Variants in MIPOL1 observed in about 807,000 individuals in gnomAD.
MIPOL1 encodes mirror-image polydactyly gene 1 protein.
In MIPOL1, 57 loss-of-function variants were observed where a neutral mutation model predicts 60.9. The observed-to-expected ratio is 0.94, with a 90% CI of 0.76 to 1.17. The LOEUF (loss-of-function observed/expected upper bound fraction) is 1.17, where lower values mean the gene tolerates loss of function less well. Ranked by LOEUF, MIPOL1 falls within the 50% of genes most tolerant of loss-of-function variation. The pLI, the probability that MIPOL1 is intolerant of heterozygous loss-of-function variation, is 0.00. For missense variants in MIPOL1, 551 were observed against 511.6 expected (o/e 1.08, Z -0.74); for synonymous variants, 179 against 168.8 (o/e 1.06, Z -0.47).
intron 9 of MIPOL1, among the ~76,000 whole-genome samples, chr14:37,366,200 G>C (rs185611627): frequency 4.6e-4 from 70 of 151,142 alleles, no homozygotes; most frequent in Middle Eastern, 6.8e-3. Flanking sequence ...ACTAATTTTG[G>C]GTTTGGTTTG....
intron 1 of MIPOL1, among the ~76,000 whole-genome samples, chr14:37,244,364 G>A (rs554343921): frequency 2.0e-5 from 3 of 151,612 alleles, no homozygotes; most frequent in South Asian, 4.2e-4. Flanking sequence ...CTTGTGATCC[G>A]CCAGCCTTGG....
chr14:37,399,276 G>A (rs2093436667), intron 10 of MIPOL1, among the ~76,000 whole-genome samples: 1 of 152,144 alleles, frequency 6.6e-6, no homozygotes, highest in Non-Finnish European at 1.5e-5. Context: ...CATTTTGGGA[G>A]GAAAAATAAA....
chr14:37,357,959 A>T (rs8017564), intron 9 of MIPOL1, among the ~76,000 whole-genome samples: 147,412 of 152,158 alleles, frequency 0.97, 71,484 homozygotes, highest in East Asian at 1. Context: ...CATTTATGTT[A>T]GGTATTTCTC....
Position 37,313,910 on chromosome 14 carries a change from C to CT in MIPOL1, c.828+5393dup, listed in dbSNP as rs1365724856. ...TCTACTTTTCAGGTATTTTCACATC[C>CT]TTCAACCTTTCCTTGGGTTTCCTTC... On this transcript the variant is annotated intron_variant, in intron 9 of 12. Transcript: ENST00000684589. Among the ~76,000 whole-genome samples, 4 of 152,262 alleles carry CT rather than the reference C, an allele frequency of 2.6e-5. No individual in the cohort carries two copies. The East Asian group carries it at 7.8e-4, about 30-fold the overall frequency.
chr14:37,517,445 T>G (rs1291664868), intron 12 of MIPOL1, among the ~76,000 whole-genome samples: 1 of 152,138 alleles, frequency 6.6e-6, no homozygotes, highest in Non-Finnish European at 1.5e-5. Flanking sequence ...CATACATTAC[T>G]GGTGAGAACG....
At position 37,268,681 on chromosome 14, in the gene MIPOL1, A is replaced by G. The variant is rs1319140910; in HGVS notation, c.275A>G (p.Asp92Gly). ...KYNVMEHRHN[D>G]MHYECMTPCQ... ...AGCGTTATGGAACATAGACATAATG[A>G]TATGCATTATGAATGTATGACTCCT... The change falls in exon 5 of 13, where the codon GAT becomes GGT. Residue 92 changes from aspartate (D) to glycine (G), a missense_variant. Asp to Gly is a moderately conservative substitution (Grantham distance 94, BLOSUM62 -1). Coordinates refer to ENST00000684589, the MANE Select transcript of MIPOL1 (RefSeq NM_001388067.1). 6.3e-7 allele frequency: 1 copy of G among 1,595,032 alleles called. No homozygotes were observed. The highest frequency in any genetic ancestry group is 1.3e-5 in the African/African-American group (1 of 74,076).
intron 11 of MIPOL1, among the ~76,000 whole-genome samples, chr14:37,492,762 T>G (rs574567354): frequency 6.6e-6 from 1 of 152,152 alleles, no homozygotes; most frequent in African/African-American, 2.4e-5. Flanking sequence ...GTTTCAGCAT[T>G]GTTGACATAG....
intron 2 of MIPOL1, 27 bp from the exon 3 acceptor site, chr14:37,247,802 A>G: frequency 2.4e-5 from 32 of 1,346,576 alleles, no homozygotes; most frequent in Non-Finnish European, 3.2e-5. Context: ...TTTTCAGTTT[A>G]TTTATCTAGA....
chr14:37,437,383 TG>T (rs1486318125), intron 11 of MIPOL1, among the ~76,000 whole-genome samples: 1 of 146,262 alleles, frequency 6.8e-6, no homozygotes, highest in East Asian at 2.0e-4. Flanking sequence ...CTATCAAGCT[TG>T]GTTAGTTGTT....
chr14:37,431,624 G>C (rs2094070296), intron 11 of MIPOL1, among the ~76,000 whole-genome samples: 1 of 110,172 alleles, frequency 9.1e-6, no homozygotes, highest in Non-Finnish European at 1.7e-5. Context: ...TGTCGCCCAG[G>C]CTGGAGTGCA....
At chr14:37,256,772 T>C (rs1040928902) in intron 3 of MIPOL1, among the ~76,000 whole-genome samples, 2 of 135,512 alleles carry the variant, frequency 1.5e-5, no homozygotes, top group African/African-American at 5.1e-5. Flanking sequence ...TTCCTCTGCA[T>C]TTTTAATAGG....
At chr14:37,380,783 T>C (rs954425464) in intron 10 of MIPOL1, among the ~76,000 whole-genome samples, 1 of 152,156 alleles carries the variant, frequency 6.6e-6, no homozygotes, top group Non-Finnish European at 1.5e-5. Flanking sequence ...CAAGCTTCCT[T>C]ACAGGAACTG....
Position 37,532,696 on chromosome 14 carries a change from G to T in MIPOL1, c.1263-14209G>T, listed in dbSNP as rs561962800. 1.4e-4 allele frequency among the ~76,000 whole-genome samples: 21 copies of T among 152,202 alleles called. No individual in the cohort carries two copies. In the South Asian group the frequency reaches 2.3e-3, roughly 17 times the overall value. On this transcript the variant is annotated intron_variant, in intron 12 of 12. Transcript: ENST00000684589. ...TTTTCCTTAGATTAGTTTAGGTGTG[G>T]GCAGTATGCAGTAGCTACCTCTTTT... is the stretch of plus-strand genomic sequence containing the variant.
intron 9 of MIPOL1, among the ~76,000 whole-genome samples, chr14:37,350,455 A>T (rs1381835590): frequency 6.7e-6 from 1 of 148,230 alleles, no homozygotes; most frequent in African/African-American, 2.5e-5. Context: ...ATTTTTTTTA[A>T]TTTTTAATTT....
At chr14:37,541,735 A>T (rs963715955) in intron 12 of MIPOL1, among the ~76,000 whole-genome samples, 4 of 152,188 alleles carry the variant, frequency 2.6e-5, no homozygotes, top group Non-Finnish European at 5.9e-5. Flanking sequence ...CCACACCTAC[A>T]GAATTATCCA....
intron 11 of MIPOL1, among the ~76,000 whole-genome samples, chr14:37,481,443 A>ACACCAAAT (rs1463187776): frequency 6.6e-6 from 1 of 152,086 alleles, no homozygotes; most frequent in African/African-American, 2.4e-5. Flanking sequence ...TTAAAATGTC[A>ACACCAAAT]CACCAAATGA....
In MIPOL1 at chr14:37,422,287, C is replaced by T. The variant is rs532662594; in HGVS notation, c.937-568C>T. Among the ~76,000 whole-genome samples the T allele has an allele frequency of 4.6e-5, 7 of 152,024 alleles. No individual in the cohort carries two copies. In the East Asian group the frequency reaches 1.4e-3, roughly 29 times the overall value. On this transcript the variant is annotated intron_variant, in intron 10 of 12. Transcript: ENST00000684589. ...GCATTTACGGTTGCTGCCGTTCTCCCCTTTCGGGATTTGTTTTTCTCCCAC... is the reference window on the plus strand; with the variant it reads ...GCATTTACGGTTGCTGCCGTTCTCCTCTTTCGGGATTTGTTTTTCTCCCAC...
At chr14:37,490,107 C>A (rs1004084513) in intron 11 of MIPOL1, among the ~76,000 whole-genome samples, 4 of 152,162 alleles carry the variant, frequency 2.6e-5, no homozygotes, top group Non-Finnish European at 4.4e-5. Context: ...ATCTATAAGC[C>A]CCTGACTGGT....
At chr14:37,457,598 T>C (rs1481950411) in intron 11 of MIPOL1, among the ~76,000 whole-genome samples, 1 of 152,184 alleles carries the variant, frequency 6.6e-6, no homozygotes, top group East Asian at 1.9e-4. Context: ...AATCCCATAA[T>C]GAACTAAATA....
Sources: allele counts gnomAD v4.1 joint callset (sites outside exome capture counted in the v4.1 genomes callset), GRCh38; gene constraint gnomAD v4.1.1; transcripts MANE v1.5; gene names NCBI Gene and HGNC (gene_info 2026-07-23, HGNC 2026-07-21).